The following DAB1 variants were observed in gnomAD, a reference collection of about 807,000 sequenced individuals.
The protein encoded by DAB1 is disabled homolog 1.
DAB1 carries 15 observed loss-of-function variants against 64.6 expected under a neutral mutation model. The observed-to-expected ratio is 0.23, with a 90% CI of 0.16 to 0.36. The LOEUF (loss-of-function observed/expected upper bound fraction) is 0.36, where lower values mean the gene tolerates loss of function less well. Ranked by LOEUF, DAB1 falls within the 10% of genes least tolerant of loss-of-function variation. DAB1 has a pLI of 1.00. For missense variants in DAB1, 596 were observed against 706.7 expected (o/e 0.84, Z 1.78); for synonymous variants, 235 against 251.9 (o/e 0.93, Z 0.64).
chr1:58,018,251 AC>A (rs1468934955), intron 5 of DAB1, among the ~76,000 whole-genome samples: 5 of 150,312 alleles, frequency 3.3e-5, no homozygotes, highest in African/African-American at 1.2e-4. Flanking sequence ...CCTTCTTCCT[AC>A]CTCCTTCCTA....
rs1177162783 is a variant in DAB1, at chr1:58,340,256, T to C, written n.309+3096A>G. 2.0e-5 allele frequency among the ~76,000 whole-genome samples: 3 copies of C among 152,280 alleles called. No individual in the cohort carries two copies. The East Asian group carries it at 5.8e-4, about 29-fold the overall frequency. On this transcript the variant is annotated intron_variant and non_coding_transcript_variant, in intron 4 of 20. Coordinates refer to the DAB1 transcript ENST00000485760. ...CTTCCTCCAACCCACTCACGAAGTC[T>C]TTCTATTGTTCTTTATTAGGTGCTA...
intron 5 of DAB1, among the ~76,000 whole-genome samples, chr1:57,951,261 G>T (rs1367331544): frequency 6.9e-6 from 1 of 144,344 alleles, no homozygotes; most frequent in Non-Finnish European, 1.5e-5. Flanking sequence ...GGGGGGTGAG[G>T]GGGGTAGTCT....
At chr1:58,009,603 G>C (rs755069074) in intron 5 of DAB1, among the ~76,000 whole-genome samples, 1 of 152,112 alleles carries the variant, frequency 6.6e-6, no homozygotes, top group Non-Finnish European at 1.5e-5. Context: ...TCTTCTTCCA[G>C]TTTAAGAAGA....
chr1:57,101,486 T>G (rs1352839465), intron 4 of DAB1, among the ~76,000 whole-genome samples: 1 of 152,216 alleles, frequency 6.6e-6, no homozygotes, highest in Non-Finnish European at 1.5e-5. Context: ...AACCTCTTTG[T>G]CTCTCCCGAT....
At chr1:57,050,937 C>G (rs1404751041) in intron 9 of DAB1, among the ~76,000 whole-genome samples, 1 of 152,124 alleles carries the variant, frequency 6.6e-6, no homozygotes, top group Non-Finnish European at 1.5e-5. Flanking sequence ...TCTGGGATTA[C>G]AAAAGTAATG....
At chr1:58,468,549 T>A (rs1015067322) in intron 3 of DAB1, 1 of 152,058 alleles carries the variant, frequency 6.6e-6, no homozygotes, top group Admixed American at 6.6e-5. Context: ...GACACCAAGA[T>A]GGGATTAGCT....
intron 7 of DAB1, among the ~76,000 whole-genome samples, chr1:57,515,160 A>C (rs932742846): frequency 6.6e-6 from 1 of 152,192 alleles, no homozygotes. Flanking sequence ...AAAGCAAAAA[A>C]CAGCTAAAGC....
At chr1:57,032,803 G>A (rs1647005592) in intron 9 of DAB1, among the ~76,000 whole-genome samples, 2 of 152,152 alleles carry the variant, frequency 1.3e-5, no homozygotes. Flanking sequence ...AATATTCATT[G>A]GCTTCTGTAT....
At chr1:58,022,745 G>C (rs921014408) in intron 5 of DAB1, among the ~76,000 whole-genome samples, 1 of 151,900 alleles carries the variant, frequency 6.6e-6, no homozygotes, top group African/African-American at 2.4e-5. Context: ...ATATAATTTG[G>C]CACTGCACTT....
chr1:57,082,900 A>G (rs563384836), intron 4 of DAB1, among the ~76,000 whole-genome samples: 53 of 152,294 alleles, frequency 3.5e-4, no homozygotes, highest in African/African-American at 1.3e-3. Flanking sequence ...TTTCAGCAAC[A>G]ACATTTTTCA....
chr1:58,373,007 C>T (rs1644281814), intron 3 of DAB1, among the ~76,000 whole-genome samples: 1 of 152,030 alleles, frequency 6.6e-6, no homozygotes, highest in South Asian at 2.1e-4. Context: ...AACCTGAAAG[C>T]AAATATTTTA....
chr1:58,273,898 G>C (rs1221201476), intron 4 of DAB1, among the ~76,000 whole-genome samples: 1 of 106,716 alleles, frequency 9.4e-6, no homozygotes, highest in Non-Finnish European at 1.9e-5. Context: ...GGTTATTCTA[G>C]TTATACATTC....
intron 4 of DAB1, among the ~76,000 whole-genome samples, chr1:58,320,980 C>G (rs1662668019): frequency 6.6e-6 from 1 of 152,242 alleles, no homozygotes; most frequent in African/African-American, 2.4e-5. Flanking sequence ...ATAGCTCTGA[C>G]TCCCACCTGG....
At chr1:57,352,063 A>C (rs938922341) in intron 1 of DAB1, among the ~76,000 whole-genome samples, 12 of 152,178 alleles carry the variant, frequency 7.9e-5, no homozygotes, top group African/African-American at 2.9e-4. Flanking sequence ...AAATGACTGC[A>C]TTTCCAAATC....
chr1:57,089,070 C>A (rs1653378220), intron 4 of DAB1, among the ~76,000 whole-genome samples: 2 of 152,216 alleles, frequency 1.3e-5, no homozygotes, highest in Non-Finnish European at 2.9e-5. Flanking sequence ...ACTTTCCTTT[C>A]TCACCTGTAT....
At position 57,122,454 on chromosome 1, in the gene DAB1, T is replaced by C. The variant is rs1468884787; in HGVS notation, c.306+14089A>G. ...CTTAGCTCTCCCAAACATGTTCATA[T>C]ACTTTCATAAGAAGAAATAAAGGCA... is the stretch of plus-strand genomic sequence containing the variant. On this transcript the variant is annotated intron_variant, in intron 4 of 14. Coordinates refer to ENST00000371236, the MANE Select transcript of DAB1 (RefSeq NM_001365792.1). Among the ~76,000 whole-genome samples the C allele has an allele frequency of 2.0e-5, 3 of 152,220 alleles. 1 individual carries two copies. Among genetic ancestry groups the C allele is most frequent in the African/African-American group, 2.4e-5 (1 of 41,458 alleles).
intron 3 of DAB1, among the ~76,000 whole-genome samples, chr1:58,505,096 G>A (rs936914920): frequency 3.3e-5 from 5 of 152,148 alleles, no homozygotes; most frequent in African/African-American, 1.2e-4. Context: ...GGGATTACAG[G>A]CGCATGCCAC....
intron 3 of DAB1, among the ~76,000 whole-genome samples, chr1:58,361,863 C>CTTTTTTTTTTTTTTT (rs34029239): frequency 2.4e-5 from 2 of 84,022 alleles, no homozygotes; most frequent in East Asian, 4.1e-4. Context: ...AAAGATCCCC[C>CTTTTTTTTTTTTTTT]TTTTTTTTTT....
intron 3 of DAB1, among the ~76,000 whole-genome samples, chr1:58,366,023 G>C (rs1644213250): frequency 6.6e-6 from 1 of 152,120 alleles, no homozygotes; most frequent in African/African-American, 2.4e-5. Flanking sequence ...AACTACCAGT[G>C]ACTGCTGCCA....
Sources: allele counts gnomAD v4.1 joint callset (sites outside exome capture counted in the v4.1 genomes callset), GRCh38; gene constraint gnomAD v4.1.1; transcripts MANE v1.5; gene names NCBI Gene and HGNC (gene_info 2026-07-23, HGNC 2026-07-21).